The following SLC17A2 variants were observed in gnomAD, a reference collection of about 807,000 sequenced individuals.
SLC17A2 encodes sodium-dependent phosphate transport protein 3.
A neutral mutation model predicts 52.1 loss-of-function variants in SLC17A2; 38 were observed. That is an observed-to-expected ratio of 0.73 (90% CI 0.56 to 0.96). The LOEUF is 0.96. Among genes scored for constraint, SLC17A2 ranks in the 40% least tolerant of loss-of-function variants. SLC17A2 has a pLI of 0.00. For synonymous variants in SLC17A2, 226 were observed against 211.9 expected, an observed-to-expected ratio of 1.07 and a Z score of -0.58; for missense variants, 508 against 583.9, an observed-to-expected ratio of 0.87 and a Z score of 1.34.
intron 3 of SLC17A2, among the ~76,000 whole-genome samples, chr6:25,922,962 G>A (rs1033804781): frequency 1.3e-5 from 2 of 152,110 alleles, no homozygotes; most frequent in East Asian, 1.9e-4. Context: ...TTGGGAGGCC[G>A]AGGCGGGTGG....
intron 8 of SLC17A2, among the ~76,000 whole-genome samples, 178 bp downstream of exon 8, chr6:25,916,507 A>G (rs184940657): frequency 6.6e-6 from 1 of 152,190 alleles, no homozygotes; most frequent in African/African-American, 2.4e-5. Context: ...AAGTTATCTC[A>G]CCTCTAAGTG....
rs533469451 is a variant in SLC17A2, at chr6:25,928,755, C to T, written c.-84+1522G>A. The stretch of plus-strand genomic sequence containing the variant: ...GGCATGGTTGATATGTACTTAGAGA[C>T]ACTGGAATAATTATTAACCTATTTG... On this transcript the variant is annotated intron_variant, in intron 1 of 11. Transcript: ENST00000377850. Among the ~76,000 whole-genome samples, 17 of 152,152 alleles carry T rather than the reference C, an allele frequency of 1.1e-4. No homozygotes were observed. In the South Asian group the frequency reaches 2.9e-3, roughly 26 times the overall value.
In SLC17A2 at chr6:25,919,699, C is replaced by CAAAAAAAAAAAAAAAAAAAA. The variant is rs766352177; in HGVS notation, c.563-1146_563-1127dup. ...TGGGCGAAAGAGTGAGACACCGTCT[C>CAAAAAAAAAAAAAAAAAAAA]AAAAAAAAAAAAAAAAAAAAAAAAA... is the stretch of plus-strand genomic sequence containing the variant. On this transcript the variant is annotated intron_variant, in intron 5 of 11. Coordinates refer to ENST00000377850, the MANE Select transcript of SLC17A2 (RefSeq NM_001286123.3). 1.2e-3 allele frequency among the ~76,000 whole-genome samples: 38 copies of CAAAAAAAAAAAAAAAAAAAA among 31,152 alleles called. 7 individuals are homozygous for CAAAAAAAAAAAAAAAAAAAA. The highest frequency in any genetic ancestry group is 2.7e-3 in the East Asian group (2 of 730). The allele number at this position is 31,152 out of a possible 152,430, so 20.4% of individuals were successfully genotyped here.
rs755916562 is a variant in SLC17A2, at chr6:25,915,605, C to A, written c.1105G>T (p.Val369Leu). The change falls in exon 10 of 12, where the codon GTG becomes TTG. Residue 369 changes from valine (V) to leucine (L), a missense_variant. By Grantham distance (32) the Val-to-Leu change is conservative (BLOSUM62 1). Transcript: ENST00000377850. ...PSICAVALPF[V>L]ASSYVITIIL... Reference sequence around the variant, plus strand: ...ATGGTTATCACGTAACTGGAGGCCACAAAGGGCAGGGCCACAGCACATATT... The same window carrying A: ...ATGGTTATCACGTAACTGGAGGCCAAAAAGGGCAGGGCCACAGCACATATT... The A allele has an allele frequency of 6.2e-7, 1 of 1,613,702 alleles. No individual in the cohort carries two copies. The highest frequency in any genetic ancestry group is 8.5e-7 in the Non-Finnish European group (1 of 1,179,798).
rs772107464 is a variant in SLC17A2 at position 25,925,750 on chromosome 6, A to G, written c.28+19T>C. On this transcript the variant is annotated intron_variant, in intron 2 of 11. Transcript: ENST00000377850. ...TTCAGCTTATTAACATAGCCTGCAA[A>G]CAAGAGCAGTGGCTTTACCTTTCCT... 1.9e-6 allele frequency: 3 copies of G among 1,612,046 alleles called. No individual in the cohort carries two copies. Among genetic ancestry groups the G allele is most frequent in the East Asian group, 4.5e-5 (2 of 44,876 alleles).
In SLC17A2 at chr6:25,916,713, C is replaced by T. The variant is rs199525005; in HGVS notation, c.902G>A (p.Ser301Asn). Residue 301 changes from serine (S) to asparagine (N), a missense_variant, in exon 8 of 12, where the codon AGT becomes AAT. Ser to Asn is a conservative substitution (Grantham distance 46). Transcript: ENST00000377850. ...TCTGATGTTAACATGGAGCAGAGTA[C>T]TGATATACGTTGGTAGGTATGTTAG... ...IILTYLPTYI[S>N]TLLHVNIRDS... 1.3e-4 allele frequency: 210 copies of T among 1,613,580 alleles called. No homozygotes were observed. The highest frequency in any genetic ancestry group is 4.4e-5 in the South Asian group (4 of 91,076).
At chr6:25,914,205 A>C (rs916681937) in intron 11 of SLC17A2, among the ~76,000 whole-genome samples, 2 of 152,106 alleles carry the variant, frequency 1.3e-5, no homozygotes, top group South Asian at 2.1e-4. Flanking sequence ...TGATTTTTTA[A>C]AAATTGGATT....
Position 25,916,543 on chromosome 6 carries a change from G to A in SLC17A2, c.930+142C>T, listed in dbSNP as rs550797892. The A allele has an allele frequency of 5.4e-5, 39 of 717,908 alleles. No individual in the cohort carries two copies. The East Asian group carries it at 8.1e-4, about 15-fold the overall frequency. The allele number at this position is 717,908 out of a possible 1,614,324, so 44.5% of individuals were successfully genotyped here. On this transcript the variant is annotated intron_variant, in intron 8 of 11. Transcript: ENST00000377850. ...TCCTGTTTCCACATCTGTGAAAAGG[G>A]AATTATAACAATGCCTCTCTCAAGG...
chr6:25,914,278 G>A (rs1305050245), intron 11 of SLC17A2, among the ~76,000 whole-genome samples: 1 of 152,024 alleles, frequency 6.6e-6, no homozygotes, highest in African/African-American at 2.4e-5. Flanking sequence ...GCTATTCCTT[G>A]ACATGTGTCT....
At chr6:25,914,527 C>T in intron 11 of SLC17A2, 53 bp downstream of exon 11, 1 of 1,151,270 alleles carries the variant, frequency 8.7e-7, no homozygotes, top group Non-Finnish European at 1.3e-6. Flanking sequence ...TGTGTATCTC[C>T]AACACCTAAA....
rs1234100714 is a variant in SLC17A2 at position 25,913,286 on chromosome 6, G to C, written c.*31C>G. 4 of 1,612,922 alleles carry C rather than the reference G, an allele frequency of 2.5e-6. No individual in the cohort carries two copies. The Admixed American group carries it at 5.0e-5, about 20-fold the overall frequency. ...AAAATGTTTAAAAAGTTCATGCTCA[G>C]TACCACATTTAAGTTTGTAACTTTA... On this transcript the variant is annotated 3_prime_UTR_variant, in exon 12 of 12. Coordinates refer to ENST00000377850, the MANE Select transcript of SLC17A2 (RefSeq NM_001286123.3).
Position 25,921,175 on chromosome 6 carries a change from A to G in SLC17A2, c.474+4T>C. The G allele has an allele frequency of 6.2e-7, 1 of 1,614,080 alleles. No homozygotes were observed. The highest frequency in any genetic ancestry group is 8.5e-7 in the Non-Finnish European group (1 of 1,179,922). The stretch of plus-strand genomic sequence containing the variant: ...CCACCAAGAATGAGAAAGTATCTGG[A>G]TACCTGGGCCATGCCCTGGACTGTC... On this transcript the variant is annotated splice_donor_region_variant and intron_variant, in intron 4 of 11. Transcript: ENST00000377850.
Position 25,916,398 on chromosome 6 carries a change from AAAG to A in SLC17A2, c.930+284_930+286del, listed in dbSNP as rs889201032. 4.6e-5 allele frequency among the ~76,000 whole-genome samples: 7 copies of A among 152,256 alleles called. No individual in the cohort carries two copies. In the East Asian group the frequency reaches 1.4e-3, roughly 29 times the overall value. ...GCCTGGCCCAGCAATATTATTTCTAAAAGAAGCTTTGGAATCAGCTGGTGTGGT... is the reference window on the plus strand; with the variant it reads ...GCCTGGCCCAGCAATATTATTTCTAAAAGCTTTGGAATCAGCTGGTGTGGT... On this transcript the variant is annotated intron_variant, in intron 8 of 11. Coordinates refer to ENST00000377850, the MANE Select transcript of SLC17A2 (RefSeq NM_001286123.3).
chr6:25,917,637 C>A (rs1373924584), intron 6 of SLC17A2, among the ~76,000 whole-genome samples: 1 of 152,192 alleles, frequency 6.6e-6, no homozygotes, highest in Non-Finnish European at 1.5e-5. Flanking sequence ...TAATTAGCAT[C>A]ATTAATGAGA....
intron 5 of SLC17A2, among the ~76,000 whole-genome samples, chr6:25,919,653 T>C (rs1460879556): frequency 8.2e-6 from 1 of 121,542 alleles, no homozygotes; most frequent in African/African-American, 3.3e-5. Context: ...TGAGCCGAGA[T>C]AGCGCTACTG....
rs200692804 is a variant in SLC17A2, at chr6:25,915,723, C to T, written c.1063+13G>A. On this transcript the variant is annotated intron_variant, in intron 9 of 11. Coordinates refer to ENST00000377850, the MANE Select transcript of SLC17A2 (RefSeq NM_001286123.3). ...AAGGGATTGGTTAAATGGGCCCACA[C>T]GCTTATCCTTACCAAGAGATGAAAA... 54 of 1,613,704 alleles carry T rather than the reference C, an allele frequency of 3.3e-5. No individual in the cohort carries two copies. Among genetic ancestry groups the T allele is most frequent in the South Asian group, 5.5e-5 (5 of 91,002 alleles).
intron 6 of SLC17A2, 58 bp downstream of exon 6, chr6:25,918,429 G>T: frequency 9.0e-7 from 1 of 1,108,806 alleles, no homozygotes; most frequent in East Asian, 2.4e-5. Flanking sequence ...GGTGGTGTAG[G>T]TGCCAAAATG....
chr6:25,920,926 C>G (rs1766527604), intron 5 of SLC17A2, 80 bp downstream of exon 5: 2 of 1,355,952 alleles, frequency 1.5e-6, no homozygotes, highest in Non-Finnish European at 2.1e-6. Context: ...CTCTCTTCCC[C>G]AAACCATTTG....
rs757353732 is a variant in SLC17A2, at chr6:25,914,695, GA to G, written c.1212-26del. On this transcript the variant is annotated intron_variant, in intron 10 of 11. Transcript: ENST00000377850. ...TCTGTGGGAAGATGATTTTATAAATGATTTTATATAGAAAGCCACCTACAGC... is the reference window on the plus strand; with the variant it reads ...TCTGTGGGAAGATGATTTTATAAATGTTTTATATAGAAAGCCACCTACAGC... The G allele has an allele frequency of 1.8e-5, 26 of 1,458,362 alleles. No individual in the cohort carries two copies. In the South Asian group the frequency reaches 2.8e-4, roughly 15 times the overall value. The allele number at this position is 1,458,362 out of a possible 1,614,324, so 90.3% of individuals were successfully genotyped here.
Sources: gnomAD v4.1 joint callset for allele counts (sites outside exome capture counted in the v4.1 genomes callset) on GRCh38, gnomAD v4.1.1 for gene constraint, MANE v1.5 for transcripts, NCBI Gene and HGNC (gene_info 2026-07-23, HGNC 2026-07-21) for gene names.